Variants in SNTG2 observed in about 807,000 individuals in gnomAD.
SNTG2 encodes the protein gamma-2-syntrophin.
A neutral mutation model predicts 70.9 loss-of-function variants in SNTG2; 74 were observed. That is an observed-to-expected ratio of 1.04 (90% CI 0.86 to 1.27). SNTG2 has a LOEUF of 1.27. Among genes scored for constraint, SNTG2 ranks in the 50% most tolerant of loss-of-function variants. The pLI, the probability that SNTG2 is intolerant of heterozygous loss-of-function variation, is 0.00. For missense variants in SNTG2, 717 were observed against 690.7 expected, an observed-to-expected ratio of 1.04 and a Z score of -0.43; for synonymous variants, 278 against 273.8, an observed-to-expected ratio of 1.02 and a Z score of -0.15.
At chr2:1,021,716 A>C (rs930451166) in intron 1 of SNTG2, among the ~76,000 whole-genome samples, 1 of 151,642 alleles carries the variant, frequency 6.6e-6, no homozygotes. Flanking sequence ...GGCTCAAGCA[A>C]TCCTCCCACC....
At chr2:1,315,537 A>G (rs1366352219) in intron 15 of SNTG2, among the ~76,000 whole-genome samples, 1 of 152,162 alleles carries the variant, frequency 6.6e-6, no homozygotes, top group African/African-American at 2.4e-5. Context: ...ATTTATTATA[A>G]TGAAGTATCT....
chr2:1,228,793 G>A (rs190880067), intron 9 of SNTG2, among the ~76,000 whole-genome samples: 3 of 152,320 alleles, frequency 2.0e-5, no homozygotes, highest in East Asian at 3.9e-4. Flanking sequence ...ACGAAGCCGC[G>A]GACCCTCGCG....
intron 4 of SNTG2, among the ~76,000 whole-genome samples, chr2:1,113,838 A>C (rs1666709024): frequency 1.4e-5 from 2 of 141,940 alleles, no homozygotes; most frequent in Admixed American, 7.3e-5. Context: ...TCCTTTGAGA[A>C]GGATCGTGTG....
At chr2:1,058,099 ATT>A (rs1662583691) in intron 1 of SNTG2, among the ~76,000 whole-genome samples, 1 of 152,012 alleles carries the variant, frequency 6.6e-6, no homozygotes, top group African/African-American at 2.4e-5. Flanking sequence ...TTGTATCTGC[ATT>A]CTTTTCTGCT....
chr2:1,360,358 C>T (rs1661070748), intron 16 of SNTG2, among the ~76,000 whole-genome samples: 1 of 152,192 alleles, frequency 6.6e-6, no homozygotes, highest in African/African-American at 2.4e-5. Flanking sequence ...CCTCTCTGCC[C>T]TCAGAGTGGA....
intron 4 of SNTG2, among the ~76,000 whole-genome samples, chr2:1,128,722 C>T (rs1558433753): frequency 2.0e-5 from 3 of 151,864 alleles, no homozygotes; most frequent in Admixed American, 6.6e-5. Flanking sequence ...ACTAGGACTT[C>T]TGCTTGGTGT....
At chr2:1,064,006 AAGTG>A (rs1273504081) in intron 1 of SNTG2, among the ~76,000 whole-genome samples, 6 of 152,246 alleles carry the variant, frequency 3.9e-5, no homozygotes, top group African/African-American at 9.6e-5. Flanking sequence ...AAACTGCTGA[AAGTG>A]AGAGTAAATA....
At position 1,137,645 on chromosome 2, in the gene SNTG2, G is replaced by T. The variant is rs777751639; in HGVS notation, c.349G>T (p.Val117Leu). ...QAADQTGMLF[V>L]GDAVLQVNGI... ...AGCTGACCAGACAGGGATGTTGTTCGTAGGAGATGCTGTTCTCCAGGTCAG... is the reference window on the plus strand; with the variant it reads ...AGCTGACCAGACAGGGATGTTGTTCTTAGGAGATGCTGTTCTCCAGGTCAG... The change falls in exon 5 of 17, where the codon GTA becomes TTA. Residue 117 changes from valine to leucine, a missense_variant. Transcript: ENST00000308624. The T allele has an allele frequency of 7.4e-6, 12 of 1,612,834 alleles. No individual in the cohort carries two copies. The East Asian group carries it at 2.5e-4, about 33-fold the overall frequency.
chr2:1,128,876 C>G (rs1043615105), intron 4 of SNTG2, among the ~76,000 whole-genome samples: 7 of 151,992 alleles, frequency 4.6e-5, no homozygotes, highest in Non-Finnish European at 8.8e-5. Context: ...TTCTGTTATT[C>G]CAGTTGATTT....
At chr2:988,300 G>C (rs1661391608) in intron 1 of SNTG2, among the ~76,000 whole-genome samples, 1 of 152,212 alleles carries the variant, frequency 6.6e-6, no homozygotes, top group Non-Finnish European at 1.5e-5. Flanking sequence ...AGACACTCAT[G>C]ACCCCAGAGG....
intron 12 of SNTG2, among the ~76,000 whole-genome samples, chr2:1,252,412 C>T (rs929337463): frequency 6.6e-6 from 1 of 152,104 alleles, no homozygotes; most frequent in Non-Finnish European, 1.5e-5. Context: ...TAAATGCCTA[C>T]CTGAGAGGGT....
At chr2:1,280,256 G>T (rs982717067) in intron 14 of SNTG2, among the ~76,000 whole-genome samples, 1 of 152,084 alleles carries the variant, frequency 6.6e-6, no homozygotes, top group South Asian at 2.1e-4. Flanking sequence ...GATTTATGGG[G>T]TCATTAAAAG....
At chr2:1,152,043 A>G (rs559850736) in intron 6 of SNTG2, among the ~76,000 whole-genome samples, 1 of 152,348 alleles carries the variant, frequency 6.6e-6, no homozygotes, top group East Asian at 1.9e-4. Flanking sequence ...TGCTAACCAC[A>G]TAATAGAATT....
At chr2:1,255,033 C>A (rs1677968879) in intron 12 of SNTG2, among the ~76,000 whole-genome samples, 1 of 152,156 alleles carries the variant, frequency 6.6e-6, no homozygotes, top group African/African-American at 2.4e-5. Context: ...AGAGGGTTTC[C>A]CCTCTTTTAA....
At chr2:1,122,335 A>G (rs1667427228) in intron 4 of SNTG2, among the ~76,000 whole-genome samples, 1 of 152,192 alleles carries the variant, frequency 6.6e-6, no homozygotes, top group Non-Finnish European at 1.5e-5. Context: ...TTTTCTGATG[A>G]ACAAATGACA....
chr2:1,188,857 A>G (rs530880037), intron 8 of SNTG2, among the ~76,000 whole-genome samples: 6 of 152,296 alleles, frequency 3.9e-5, no homozygotes, highest in Admixed American at 1.3e-4. Context: ...CCAATGGCAA[A>G]TCTTAATAAA....
chr2:1,210,061 G>C (rs896858905), intron 9 of SNTG2, among the ~76,000 whole-genome samples: 6 of 152,070 alleles, frequency 3.9e-5, no homozygotes, highest in African/African-American at 1.2e-4. Flanking sequence ...TCCCTTTACT[G>C]GTCCTTAAAT....
intron 1 of SNTG2, among the ~76,000 whole-genome samples, chr2:1,031,530 T>TA (rs1558325836): frequency 0.036 from 1,310 of 36,714 alleles, 17 homozygotes; most frequent in African/African-American, 0.091. Flanking sequence ...ATATATATAT[T>TA]TTTTTTTTTT....
At chr2:1,225,145 T>C (rs1675686469) in intron 9 of SNTG2, among the ~76,000 whole-genome samples, 1 of 152,212 alleles carries the variant, frequency 6.6e-6, no homozygotes, top group Admixed American at 6.5e-5. Context: ...TTGGGAAAAT[T>C]GGTGAATCTA....
Sources: gnomAD v4.1 joint callset for allele counts (sites outside exome capture counted in the v4.1 genomes callset) on GRCh38, gnomAD v4.1.1 for gene constraint, MANE v1.5 for transcripts, NCBI Gene and HGNC (gene_info 2026-07-23, HGNC 2026-07-21) for gene names.